Variants in USP42 observed in about 807,000 individuals in gnomAD.
The protein encoded by USP42 is ubiquitin carboxyl-terminal hydrolase 42.
In USP42, 23 loss-of-function variants were observed where a neutral mutation model predicts 113.0. The ratio of observed to expected loss-of-function variants is 0.20; its 90% CI spans 0.15 to 0.29. The LOEUF (loss-of-function observed/expected upper bound fraction) is 0.29. Among genes scored for constraint, USP42 ranks in the 10% least tolerant of loss-of-function variants. The pLI, the probability that USP42 is intolerant of heterozygous loss-of-function variation, is 1.00. For missense variants in USP42, 2,174 were observed against 1,779.8 expected (o/e 1.22, Z -3.99); for synonymous variants, 933 against 699.0 (o/e 1.33, Z -5.28).
At chr7:6,115,931 T>C (rs1023946543) in intron 3 of USP42, among the ~76,000 whole-genome samples, 31 of 151,840 alleles carry the variant, frequency 2.0e-4, no homozygotes, top group Non-Finnish European at 1.2e-4. Context: ...AGACCCCATC[T>C]CTACTAAAAA....
the USP42 span, among the ~76,000 whole-genome samples, chr7:6,099,451 T>C: frequency 2.0e-5 from 3 of 150,104 alleles, no homozygotes; most frequent in East Asian, 3.9e-4. Context: ...CCTGACCTCA[T>C]GATCTGCCCG....
chr7:6,130,051 T>C (rs1004897219), intron 3 of USP42, among the ~76,000 whole-genome samples: 2 of 152,072 alleles, frequency 1.3e-5, no homozygotes, highest in African/African-American at 4.8e-5. Flanking sequence ...AGTGGTGTAA[T>C]CATGGCTCAC....
intron 8 of USP42, among the ~76,000 whole-genome samples, 175 bp from the exon 9 acceptor site, chr7:6,143,910 C>T (rs1781567259): frequency 6.6e-6 from 1 of 152,090 alleles, no homozygotes; most frequent in Non-Finnish European, 1.5e-5. Context: ...CAGTTTCCCC[C>T]TGTATTTTTA....
At chr7:6,115,699 C>T (rs923382983) in intron 3 of USP42, among the ~76,000 whole-genome samples, 176 bp downstream of exon 3, 5 of 152,148 alleles carry the variant, frequency 3.3e-5, no homozygotes, top group African/African-American at 1.2e-4. Flanking sequence ...GCATGAAAAA[C>T]ATTTTGCACC....
chr7:6,153,701 C>T (rs1394996008), intron 14 of USP42, 55 bp from the exon 15 acceptor site: 11 of 1,419,728 alleles, frequency 7.7e-6, no homozygotes, highest in South Asian at 1.6e-5. Flanking sequence ...AATGCAATGA[C>T]ATGAGCCTGT....
upstream of USP42, among the ~76,000 whole-genome samples, chr7:6,100,683 T>C (rs1438990756): frequency 1.8e-5 from 2 of 109,692 alleles, no homozygotes; most frequent in Non-Finnish European, 3.7e-5. Context: ...ATCCACTGTC[T>C]TTTTTTTTTT....
chr7:6,127,193 C>T (rs187003299), intron 3 of USP42, among the ~76,000 whole-genome samples: 53 of 152,250 alleles, frequency 3.5e-4, no homozygotes, highest in Non-Finnish European at 6.3e-4. Flanking sequence ...GTTGTACTGT[C>T]AAGTTTTGAG....
rs753053527 is a variant in USP42 at position 6,154,337 on chromosome 7, C to A, written c.2783C>A (p.Ala928Glu). 1.4e-5 allele frequency: 22 copies of A among 1,571,458 alleles called. No homozygotes were observed. Among genetic ancestry groups the A allele is most frequent in the African/African-American group, 2.7e-5 (2 of 73,808 alleles). ...PSPGERVEDA[A>E]APKAPGPSPA... ...CCCGGCGAGAGGGTCGAGGACGCCG[C>A]GGCGCCGAAAGCCCCAGGCCCTTCC... Residue 928 changes from alanine to glutamate, a missense_variant, in exon 15 of 18, where the codon GCG becomes GAG. Ala to Glu is a moderately radical substitution (Grantham distance 107, BLOSUM62 -1). Coordinates refer to ENST00000306177, the MANE Select transcript of USP42 (RefSeq NM_032172.3).
intron 3 of USP42, among the ~76,000 whole-genome samples, chr7:6,124,625 C>T (rs1217019198): frequency 6.6e-6 from 1 of 152,124 alleles, no homozygotes; most frequent in African/African-American, 2.4e-5. Flanking sequence ...CAATAGTAGC[C>T]TCTGCCTTTT....
chr7:6,145,844 G>C (rs142170539), intron 10 of USP42, among the ~76,000 whole-genome samples, 188 bp downstream of exon 10: 46 of 152,124 alleles, frequency 3.0e-4, no homozygotes, highest in Non-Finnish European at 5.7e-4. Context: ...CTGAGGCTGG[G>C]GGATCACTTG....
intron 12 of USP42, among the ~76,000 whole-genome samples, chr7:6,148,457 T>C (rs1257846237): frequency 4.6e-5 from 7 of 152,224 alleles, no homozygotes; most frequent in Admixed American, 4.6e-4. Flanking sequence ...TGGACTTCCA[T>C]TCTTCTCAAA....
At chr7:6,108,507 A>G (rs1352418619) in intron 1 of USP42, among the ~76,000 whole-genome samples, 1 of 152,166 alleles carries the variant, frequency 6.6e-6, no homozygotes, top group African/African-American at 2.4e-5. Flanking sequence ...TTAAAGACAG[A>G]GTCTCGCTCT....
At chr7:6,126,632 G>T (rs894006933) in intron 3 of USP42, among the ~76,000 whole-genome samples, 3 of 152,190 alleles carry the variant, frequency 2.0e-5, no homozygotes, top group Non-Finnish European at 4.4e-5. Flanking sequence ...AGGATATCCG[G>T]TTGTTTCTAG....
chr7:6,144,051 G>A (rs10255598), intron 8 of USP42, 34 bp from the exon 9 acceptor site: 75,853 of 1,355,910 alleles, frequency 0.056, 2,620 homozygotes, highest in African/African-American at 0.12. Context: ...GTATATATTC[G>A]TCTTCTTATA....
chr7:6,138,348 G>T (rs2128502673), intron 4 of USP42, among the ~76,000 whole-genome samples: 1 of 152,334 alleles, frequency 6.6e-6, no homozygotes, highest in East Asian at 1.9e-4. Context: ...AATTTCTTCT[G>T]TAGGTCATTG....
the USP42 span, among the ~76,000 whole-genome samples, chr7:6,090,248 C>T: frequency 7.3e-6 from 1 of 136,722 alleles, no homozygotes; most frequent in South Asian, 2.3e-4. Flanking sequence ...TGCAGTGAAC[C>T]GAGATCACGC....
rs1275080325 is a variant in USP42 at position 6,139,358 on chromosome 7, TA to T, written c.656+168del. The T allele has an allele frequency of 9.6e-6, 5 of 518,710 alleles. No individual in the cohort carries two copies. In the East Asian group the frequency reaches 1.7e-4, roughly 17 times the overall value. 32.1% of individuals were successfully genotyped at this position (518,710 alleles called of 1,614,324 possible). On this transcript the variant is annotated intron_variant, in intron 5 of 17. Transcript: ENST00000306177. This position sits in a 1 kb window ranked among gnomAD's most constrained non-coding sequence, Gnocchi z 4.5. ...CTTCCTTAGGTGATGTGCATTATTT[TA>T]AAATGGTTGAAATTTACACGTGTGT...
chr7:6,154,506 C>T lies in USP42; in HGVS notation c.2952C>T (p.Cys984=), dbSNP rs1171660185. 1.3e-6 allele frequency: 2 copies of T among 1,541,336 alleles called. No individual in the cohort carries two copies. Among genetic ancestry groups the T allele is most frequent in the Non-Finnish European group, 8.7e-7 (1 of 1,143,664 alleles). The change falls in exon 15 of 18, where the codon TGC becomes TGT. Residue 984 remains cysteine (C), a synonymous_variant. Transcript: ENST00000306177. ...ACCGTCACCGGCGGCGCCGCACCTG[C>T]CCCCGGGAGCGCGACCGCCAGGACC... ...EGHRHRRRRT[C]PRERDRQDRH...
At position 6,115,454 on chromosome 7, in the gene USP42, G is replaced by A. The variant is rs765216642; in HGVS notation, c.373G>A (p.Ala125Thr). 1 of 1,614,086 alleles carries A rather than the reference G, an allele frequency of 6.2e-7. No homozygotes were observed. Among genetic ancestry groups the A allele is most frequent in the Non-Finnish European group, 8.5e-7 (1 of 1,179,902 alleles). Residue 125 changes from alanine (A) to threonine (T), a missense_variant, in exon 3 of 18, where the codon GCA becomes ACA. By Grantham distance (58) the Ala-to-Thr change is moderately conservative. Coordinates refer to ENST00000306177, the MANE Select transcript of USP42 (RefSeq NM_032172.3). The stretch of plus-strand genomic sequence containing the variant: ...GGGCAATACCTGTTTTGCCAATGCA[G>A]CACTGCAGTGTTTAACCTACACACC... ...NLGNTCFANA[A>T]LQCLTYTPPL...
Sources: gnomAD v4.1 joint callset for allele counts (sites outside exome capture counted in the v4.1 genomes callset) on GRCh38, gnomAD v4.1.1 for gene constraint, Gnocchi (gnomAD v3.1) non-coding constraint, MANE v1.5 for transcripts, NCBI Gene and HGNC (gene_info 2026-07-23, HGNC 2026-07-21) for gene names.